Variants in INTS3 observed in about 807,000 individuals in gnomAD.
The protein encoded by INTS3 is integrator complex subunit 3.
Under a neutral mutation model 146.3 loss-of-function variants are expected in INTS3, and 34 were observed. The observed-to-expected ratio is 0.23, with a 90% confidence interval of 0.18 to 0.31. The LOEUF (loss-of-function observed/expected upper bound fraction) is 0.31. Among genes scored for constraint, INTS3 ranks in the 10% least tolerant of loss-of-function variants. The pLI is 1.00. For missense variants in INTS3, 757 were observed against 1,304.2 expected (o/e 0.58, Z 6.46); for synonymous variants, 475 against 494.9 (o/e 0.96, Z 0.53).
Position 153,757,449 on chromosome 1 carries a change from A to G in INTS3, c.958-123A>G. On this transcript the variant is annotated intron_variant, in intron 9 of 29. Coordinates refer to ENST00000318967, the MANE Select transcript of INTS3 (RefSeq NM_023015.5). The surrounding 1 kb of genome is among the most constrained non-coding windows in gnomAD (Gnocchi z 4.0). Reference sequence around the variant, plus strand: ...GAGACTTACGAGACAGTATGAGCTAATGAATGAATTGTGGAGAAATAGAGG... The same window carrying G: ...GAGACTTACGAGACAGTATGAGCTAGTGAATGAATTGTGGAGAAATAGAGG... 2 of 738,092 alleles carry G rather than the reference A, an allele frequency of 2.7e-6. No homozygotes were observed. The highest frequency in any genetic ancestry group is 4.6e-6 in the Non-Finnish European group (2 of 438,946). 45.7% of individuals were successfully genotyped at this position (738,092 alleles called of 1,614,324 possible).
chr1:153,759,335 T>G (rs1672289165), intron 10 of INTS3, among the ~76,000 whole-genome samples, 191 bp from the exon 11 acceptor site: 1 of 151,786 alleles, frequency 6.6e-6, no homozygotes, highest in Non-Finnish European at 1.5e-5. Flanking sequence ...GTCCTCTTGG[T>G]TAAGACCATA....
intron 17 of INTS3, 74 bp from the exon 18 acceptor site, chr1:153,764,044 C>G: frequency 7.3e-7 from 1 of 1,372,922 alleles, no homozygotes; most frequent in Non-Finnish European, 1.0e-6. Context: ...CAGATGAGTT[C>G]CAAGACTGGG....
intron 1 of INTS3, among the ~76,000 whole-genome samples, chr1:153,738,540 G>A (rs889026299): frequency 4.6e-5 from 7 of 152,210 alleles, no homozygotes; most frequent in African/African-American, 1.7e-4. Context: ...CATCCTGTTA[G>A]AGGCACATAG....
intron 8 of INTS3, among the ~76,000 whole-genome samples, chr1:153,754,182 A>G (rs930236886): frequency 1.3e-5 from 2 of 152,164 alleles, no homozygotes; most frequent in Non-Finnish European, 2.9e-5. Flanking sequence ...CATCTCACGC[A>G]TGAGTGTGAA....
Position 153,760,692 on chromosome 1 carries a change from G to C in INTS3, c.1318-135G>C. ...TCATTTGAGTGGCCTGGAGTGGTCA[G>C]GAAGTCCAGTTCTCTCTGCAGCCAT... On this transcript the variant is annotated intron_variant, in intron 12 of 29. Coordinates refer to ENST00000318967, the MANE Select transcript of INTS3 (RefSeq NM_023015.5). The C allele has an allele frequency of 4.0e-6, 3 of 756,490 alleles. No homozygotes were observed. The South Asian group carries it at 4.9e-5, about 12-fold the overall frequency. 46.9% of individuals were successfully genotyped at this position (756,490 alleles called of 1,614,324 possible). A position where few individuals can be genotyped will look rare whatever the true frequency, so the allele number is the denominator to read the frequency against.
intron 23 of INTS3, 144 bp from the exon 24 acceptor site, chr1:153,770,054 T>C (rs1672757672): frequency 9.6e-6 from 5 of 522,022 alleles, no homozygotes; most frequent in East Asian, 3.3e-5. Flanking sequence ...AGTCAGTGGA[T>C]TGGGGTGTGT....
rs1481995658 is a variant in INTS3, at chr1:153,757,671, A to G, written c.1057A>G (p.Ile353Val). ...QSLRCDLIRY[I>V]CGVVHPSNEV... ...TCTGCGCTGTGACCTCATTCGCTAC[A>G]TCTGTGGGGTAGTCCACCCTTCTAA... Residue 353 changes from isoleucine to valine, a missense_variant, in exon 10 of 30, where the codon ATC becomes GTC. Around this residue, in one of 8 missense-constraint regions of INTS3, gnomAD observed 35 missense variants for 122.2 expected, o/e 0.29. Coordinates refer to ENST00000318967, the MANE Select transcript of INTS3 (RefSeq NM_023015.5). The surrounding 1 kb of genome is among the most constrained non-coding windows in gnomAD (Gnocchi z 4.0). 1.2e-6 allele frequency: 2 copies of G among 1,614,170 alleles called. No homozygotes were observed. The highest frequency in any genetic ancestry group is 1.3e-5 in the African/African-American group (1 of 75,044).
At chr1:153,742,531 TGG>T (rs1671578420) in intron 3 of INTS3, among the ~76,000 whole-genome samples, 1 of 149,258 alleles carries the variant, frequency 6.7e-6, no homozygotes, top group African/African-American at 2.5e-5. Flanking sequence ...TGGCTGTGTG[TGG>T]GTTTTTATAA....
rs1033013407 is a variant in INTS3, at chr1:153,755,060, A to G, written c.957+321A>G. Among the ~76,000 whole-genome samples the G allele has an allele frequency of 5.9e-5, 9 of 152,346 alleles. No individual in the cohort carries two copies. The East Asian group carries it at 7.7e-4, about 13-fold the overall frequency. On this transcript the variant is annotated intron_variant, in intron 9 of 29. Coordinates refer to ENST00000318967, the MANE Select transcript of INTS3 (RefSeq NM_023015.5). Reference sequence around the variant, plus strand: ...ATCATTTACAAGTGTGAAATATTCTATAAAGGGGAGAGTGAAAGTGTTCAC... The same window carrying G: ...ATCATTTACAAGTGTGAAATATTCTGTAAAGGGGAGAGTGAAAGTGTTCAC...
intron 8 of INTS3, 35 bp downstream of exon 8, chr1:153,752,443 C>T (rs1451058055): frequency 1.9e-6 from 3 of 1,587,758 alleles, no homozygotes; most frequent in Non-Finnish European, 2.6e-6. Flanking sequence ...TCCTTGAGAG[C>T]TGGGAGTTCA....
At chr1:153,768,807 T>G (rs2101828089) in intron 21 of INTS3, 86 bp from the exon 22 acceptor site, 519 of 1,033,666 alleles carry the variant, frequency 5.0e-4, no homozygotes, top group Non-Finnish European at 7.2e-4. Flanking sequence ...AGTCAAACCT[T>G]GAGATGTAAT....
chr1:153,748,931 G>C (rs2101800292), intron 6 of INTS3, among the ~76,000 whole-genome samples, 176 bp downstream of exon 6: 1 of 152,270 alleles, frequency 6.6e-6, no homozygotes, highest in South Asian at 2.1e-4. Context: ...TAATGCCCAA[G>C]GAATGAAGGA....
chr1:153,763,732 C>A, intron 16 of INTS3, 100 bp from the exon 17 acceptor site: 1 of 1,027,036 alleles, frequency 9.7e-7, no homozygotes, highest in Non-Finnish European at 1.5e-6. Flanking sequence ...TTTGTTTTGT[C>A]TCTGTGCATG....
intron 23 of INTS3, 86 bp from the exon 24 acceptor site, chr1:153,770,108 TAGTC>T (rs1672773515): frequency 9.7e-6 from 4 of 411,662 alleles, no homozygotes; most frequent in Non-Finnish European, 1.7e-5. Context: ...TGTGTGCTGG[TAGTC>T]AGTGGATGGG....
intron 1 of INTS3, among the ~76,000 whole-genome samples, chr1:153,740,444 A>G (rs573041487): frequency 6.6e-6 from 1 of 152,152 alleles, no homozygotes; most frequent in South Asian, 2.1e-4. Context: ...TTTTCTTGCG[A>G]TTTATGTGTT....
intron 22 of INTS3, 75 bp from the exon 23 acceptor site, chr1:153,769,694 T>G: frequency 3.1e-6 from 3 of 960,224 alleles, no homozygotes; most frequent in Non-Finnish European, 3.4e-6. Context: ...CGAGCCCTCC[T>G]GCGTCCCCCT....
intron 5 of INTS3, chr1:153,748,247 G>T: frequency 5.7e-6 from 1 of 174,706 alleles, no homozygotes; most frequent in Non-Finnish European, 1.2e-5. Flanking sequence ...ACTGTTACCT[G>T]GAAATAAGAA....
At chr1:153,756,997 TA>T (rs1202105609) in intron 9 of INTS3, among the ~76,000 whole-genome samples, 1 of 152,172 alleles carries the variant, frequency 6.6e-6, no homozygotes, top group East Asian at 1.9e-4. Context: ...GTTGGGGGAA[TA>T]TAAGAAGAGG....
At chr1:153,760,943 GGT>G (rs1194036290) in intron 13 of INTS3, 25 bp downstream of exon 13, 2 of 1,603,884 alleles carry the variant, frequency 1.2e-6, no homozygotes, top group African/African-American at 2.7e-5. Context: ...GGGGGAAGGA[GGT>G]TGTTTTCCCA....
Sources: allele counts gnomAD v4.1 joint callset (sites outside exome capture counted in the v4.1 genomes callset), GRCh38; gene constraint gnomAD v4.1.1; regional missense constraint gnomAD v4.1.1; non-coding constraint Gnocchi (gnomAD v3.1); transcripts MANE v1.5; gene names NCBI Gene and HGNC (gene_info 2026-07-23, HGNC 2026-07-21).